Variants in MARK1 observed in about 807,000 individuals in gnomAD.
The protein encoded by MARK1 is serine/threonine-protein kinase MARK1.
MARK1 carries 40 observed loss-of-function variants against 96.3 expected under a neutral mutation model. The observed-to-expected ratio is 0.42, with a 90% CI of 0.32 to 0.54. The LOEUF (loss-of-function observed/expected upper bound fraction) is 0.54. Among genes scored for constraint, MARK1 ranks in the 20% least tolerant of loss-of-function variants. The pLI is 0.16. For synonymous variants in MARK1, 317 were observed against 341.2 expected, an observed-to-expected ratio of 0.93 and a Z score of 0.78; for missense variants, 719 against 984.6, an observed-to-expected ratio of 0.73 and a Z score of 3.61.
At chr1:220,594,987 C>T (rs1665236514) in intron 3 of MARK1, among the ~76,000 whole-genome samples, 1 of 152,040 alleles carries the variant, frequency 6.6e-6, no homozygotes, top group Non-Finnish European at 1.5e-5. Flanking sequence ...CAAGAGTGAA[C>T]AGTAATGTAA....
chr1:220,604,641 A>G (rs1665957190), intron 6 of MARK1, among the ~76,000 whole-genome samples: 1 of 152,058 alleles, frequency 6.6e-6, no homozygotes, highest in Non-Finnish European at 1.5e-5. Context: ...AAATTGTGGC[A>G]GAGGAATATG....
At chr1:220,615,758 G>A (rs1666705868) in intron 6 of MARK1, among the ~76,000 whole-genome samples, 181 bp from the exon 7 acceptor site, 1 of 151,940 alleles carries the variant, frequency 6.6e-6, no homozygotes, top group African/African-American at 2.4e-5. Context: ...CATATTTTCT[G>A]CATTTAACAG....
Position 220,662,240 on chromosome 1 carries a change from C to T in MARK1, c.*74C>T, listed in dbSNP as rs1669519447. 8.8e-7 allele frequency: 1 copy of T among 1,130,100 alleles called. No homozygotes were observed. The highest frequency in any genetic ancestry group is 2.2e-5 in the Admixed American group (1 of 46,310). The allele number at this position is 1,130,100 out of a possible 1,614,324, so 70.0% of individuals were successfully genotyped here. A position where few individuals can be genotyped will look rare whatever the true frequency, so the allele number is the denominator to read the frequency against. The stretch of plus-strand genomic sequence containing the variant: ...ACAGTTTTTGAATGTACTGGTAATG[C>T]CTAATGTGGTCTGCCTGTGAATCTC... On this transcript the variant is annotated 3_prime_UTR_variant, in exon 18 of 18. Coordinates refer to ENST00000366917, the MANE Select transcript of MARK1 (RefSeq NM_018650.5).
chr1:220,579,619 C>T (rs1664096855), intron 2 of MARK1, 62 bp downstream of exon 2: 1 of 1,328,858 alleles, frequency 7.5e-7, no homozygotes, highest in East Asian at 2.3e-5. Context: ...GTTAAAGCTT[C>T]CTTATAGCCC....
chr1:220,535,299 G>A (rs912828757), intron 1 of MARK1, among the ~76,000 whole-genome samples: 7 of 152,000 alleles, frequency 4.6e-5, no homozygotes, highest in African/African-American at 1.7e-4. Flanking sequence ...TCTTACTGTG[G>A]TTTTGATTTG....
intron 9 of MARK1, chr1:220,626,846 G>A: frequency 2.4e-6 from 1 of 412,290 alleles, no homozygotes; most frequent in Non-Finnish European, 4.7e-6. Context: ...GGTTGAGGGG[G>A]GCATGCCAAG....
intron 9 of MARK1, among the ~76,000 whole-genome samples, chr1:220,630,089 C>T (rs1667587358): frequency 6.6e-6 from 1 of 152,074 alleles, no homozygotes; most frequent in Non-Finnish European, 1.5e-5. Flanking sequence ...GTTTCAGTTT[C>T]TCCACATGCT....
rs1668987265 is a variant in MARK1, at chr1:220,653,279, G to A, written c.1915G>A (p.Gly639Ser). The change falls in exon 16 of 18, where the codon GGT becomes AGT. Residue 639 changes from glycine to serine, a missense_variant. By Grantham distance (56) the Gly-to-Ser change is moderately conservative (BLOSUM62 0). Coordinates refer to ENST00000366917, the MANE Select transcript of MARK1 (RefSeq NM_018650.5). ...GPPASPSHET[G>S]AFAHARRGTS... ...ACCTGCTTCACCATCCCATGAAACG[G>A]GTGCATTTGCACATGCCAGAAGGGG... 6.2e-7 allele frequency: 1 copy of A among 1,614,056 alleles called. No homozygotes were observed. Among genetic ancestry groups the A allele is most frequent in the African/African-American group, 1.3e-5 (1 of 74,902 alleles).
intron 1 of MARK1, among the ~76,000 whole-genome samples, chr1:220,537,185 C>G (rs1475491083): frequency 6.7e-6 from 1 of 148,614 alleles, no homozygotes; most frequent in African/African-American, 2.5e-5. Flanking sequence ...TGTGCTGCAC[C>G]CATTAACTCT....
chr1:220,586,127 C>T (rs561779066), intron 3 of MARK1, among the ~76,000 whole-genome samples: 3 of 152,220 alleles, frequency 2.0e-5, no homozygotes, highest in South Asian at 2.1e-4. Flanking sequence ...TTTCAGATGG[C>T]GTTTTATTGT....
At chr1:220,627,309 C>G in intron 9 of MARK1, 1 of 503,948 alleles carries the variant, frequency 2.0e-6, no homozygotes, top group Non-Finnish European at 4.1e-6. Context: ...ACTCTTCCAA[C>G]TTCAAAAAAG....
At chr1:220,569,379 C>T (rs1234834356) in intron 1 of MARK1, among the ~76,000 whole-genome samples, 3 of 151,926 alleles carry the variant, frequency 2.0e-5, no homozygotes, top group East Asian at 1.9e-4. Context: ...TTTAAATTTG[C>T]GATGTCACAT....
At chr1:220,608,451 CTTT>C (rs1041193979) in intron 6 of MARK1, among the ~76,000 whole-genome samples, 2 of 152,056 alleles carry the variant, frequency 1.3e-5, no homozygotes, top group African/African-American at 4.8e-5. Flanking sequence ...CTCTTTTCTT[CTTT>C]ATTAGTCTTG....
At chr1:220,652,553 C>G (rs184436214) in intron 15 of MARK1, among the ~76,000 whole-genome samples, 2 of 152,178 alleles carry the variant, frequency 1.3e-5, no homozygotes, top group Non-Finnish European at 2.9e-5. Context: ...GTTTTCCTGT[C>G]AATGAAACTG....
intron 13 of MARK1, among the ~76,000 whole-genome samples, chr1:220,637,023 A>G (rs1402226569): frequency 6.6e-6 from 1 of 152,230 alleles, no homozygotes; most frequent in African/African-American, 2.4e-5. Flanking sequence ...CATTGAGCCC[A>G]GAAATCTTAT....
intron 3 of MARK1, among the ~76,000 whole-genome samples, chr1:220,583,830 T>A (rs28482798): frequency 0.011 from 1,663 of 145,022 alleles, 34 homozygotes; most frequent in African/African-American, 0.041. Flanking sequence ...TTTTTTTTTT[T>A]TTTTTTTTTG....
chr1:220,661,673 C>T (rs1282737270), intron 17 of MARK1, 139 bp from the exon 18 acceptor site: 16 of 597,740 alleles, frequency 2.7e-5, no homozygotes, highest in Admixed American at 9.2e-5. Context: ...TAAATCTTTG[C>T]GTCCATCTGA....
Position 220,528,585 on chromosome 1 carries a change from C to G in MARK1, c.-238C>G. 1 of 478,558 alleles carries G rather than the reference C, an allele frequency of 2.1e-6. No homozygotes were observed. The highest frequency in any genetic ancestry group is 3.7e-6 in the Non-Finnish European group (1 of 272,748). The allele number at this position is 478,558 out of a possible 1,614,324, so 29.6% of individuals were successfully genotyped here. A position where few individuals can be genotyped will look rare whatever the true frequency, so the allele number is the denominator to read the frequency against. On this transcript the variant is annotated 5_prime_UTR_variant, in exon 1 of 18. Transcript: ENST00000366917. The stretch of plus-strand genomic sequence containing the variant: ...GCAACCGCCTCGCCCGAAGCCCTCC[C>G]TCGTTACTGTCCGCATACCCCGGCG...
At chr1:220,555,234 G>A (rs1039444020) in intron 1 of MARK1, among the ~76,000 whole-genome samples, 1 of 152,154 alleles carries the variant, frequency 6.6e-6, no homozygotes, top group Admixed American at 6.5e-5. Context: ...AGATAGTTTG[G>A]AGATGTGGCA....
Sources: allele counts gnomAD v4.1 joint callset (sites outside exome capture counted in the v4.1 genomes callset), GRCh38; gene constraint gnomAD v4.1.1; transcripts MANE v1.5; gene names NCBI Gene and HGNC (gene_info 2026-07-23, HGNC 2026-07-21).